Variants in PTK2 observed in about 807,000 individuals in gnomAD.
PTK2 encodes protein tyrosine kinase 2, also known as focal adhesion kinase 1.
A neutral mutation model predicts 150.1 loss-of-function variants in PTK2; 45 were observed. The ratio of observed to expected loss-of-function variants is 0.30; its 90% CI spans 0.24 to 0.38. The LOEUF is 0.38. PTK2 is among the 10% of genes least tolerant of loss of function. The pLI is 1.00. For missense variants in PTK2, 919 were observed against 1,307.3 expected (o/e 0.70, Z 4.58); for synonymous variants, 432 against 449.2 (o/e 0.96, Z 0.48).
chr8:140,809,125 A>T (rs1200298914), intron 10 of PTK2, among the ~76,000 whole-genome samples: 1 of 152,230 alleles, frequency 6.6e-6, no homozygotes, highest in Non-Finnish European at 1.5e-5. Flanking sequence ...GTTGTGCAAG[A>T]AGAAAATGGC....
intron 1 of PTK2, among the ~76,000 whole-genome samples, chr8:140,945,243 T>G (rs2100177281): frequency 6.6e-6 from 1 of 152,240 alleles, no homozygotes; most frequent in African/African-American, 2.4e-5. Flanking sequence ...ATCACTTGAA[T>G]TCAAGTGTTC....
In PTK2 at chr8:140,734,584, C is replaced by A. The variant is rs1240334274; in HGVS notation, c.2030+667G>T. On this transcript the variant is annotated intron_variant, in intron 22 of 31. Coordinates refer to ENST00000522684, the Ensembl canonical transcript of PTK2. ...ATGCTTCTCTGAGGGATTCAGCACA[C>A]TAATGTCCCTGCGTGCTTCCTCCAG... 54 of 385,444 alleles carry A rather than the reference C, an allele frequency of 1.4e-4. No homozygotes were observed. The East Asian group carries it at 2.6e-3, about 19-fold the overall frequency. The allele number at this position is 385,444 out of a possible 1,614,324, so 23.9% of individuals were successfully genotyped here.
At chr8:140,997,904 A>G (rs754098237) in intron 1 of PTK2, among the ~76,000 whole-genome samples, 3 of 152,206 alleles carry the variant, frequency 2.0e-5, no homozygotes, top group Non-Finnish European at 4.4e-5. Flanking sequence ...GCACCACTGC[A>G]CTCCAGCCTG....
At chr8:140,947,957 G>T (rs2100178248) in intron 1 of PTK2, among the ~76,000 whole-genome samples, 4 of 152,086 alleles carry the variant, frequency 2.6e-5, no homozygotes, top group Admixed American at 2.6e-4. Context: ...TCTGGTATAG[G>T]TGTTAACAAC....
At chr8:140,662,403 A>T (rs2081853346) in intron 31 of PTK2, among the ~76,000 whole-genome samples, 1 of 152,200 alleles carries the variant, frequency 6.6e-6, no homozygotes, top group Non-Finnish European at 1.5e-5. Flanking sequence ...CAACTAGAGT[A>T]GGTGTTGACA....
intron 5 of PTK2, among the ~76,000 whole-genome samples, chr8:140,861,817 C>T (rs984347509): frequency 1.3e-5 from 2 of 152,092 alleles, no homozygotes; most frequent in Admixed American, 6.5e-5. Context: ...TTCCTTTAAG[C>T]GAAATTTCAT....
chr8:140,974,397 T>C (rs1391265038), intron 1 of PTK2, among the ~76,000 whole-genome samples: 1 of 152,240 alleles, frequency 6.6e-6, no homozygotes, highest in Non-Finnish European at 1.5e-5. Context: ...CTACAAACTT[T>C]AGCTTTCTCT....
intron 17 of PTK2, chr8:140,751,856 T>C (rs748824822): frequency 5.9e-6 from 3 of 512,618 alleles, no homozygotes; most frequent in South Asian, 2.9e-5. Context: ...ATTCCTTCAC[T>C]AGTCTATGAG....
At chr8:140,693,433 C>T (rs937750246) in intron 26 of PTK2, among the ~76,000 whole-genome samples, 1 of 151,636 alleles carries the variant, frequency 6.6e-6, no homozygotes, top group Non-Finnish European at 1.5e-5. Context: ...AGCATATGCC[C>T]GTAGTCGCAG....
intron 1 of PTK2, among the ~76,000 whole-genome samples, chr8:140,957,870 C>T (rs898738856): frequency 6.6e-6 from 1 of 152,134 alleles, no homozygotes; most frequent in African/African-American, 2.4e-5. Flanking sequence ...CACTCTATGA[C>T]ATTTGTACAA....
chr8:140,661,980 A>G (rs2080900052), intron 31 of PTK2, among the ~76,000 whole-genome samples: 1 of 152,138 alleles, frequency 6.6e-6, no homozygotes, highest in African/African-American at 2.4e-5. Flanking sequence ...ATGCAGGATC[A>G]AAGACAGGCT....
intron 17 of PTK2, among the ~76,000 whole-genome samples, chr8:140,748,840 T>C: frequency 6.6e-6 from 1 of 152,192 alleles, no homozygotes; most frequent in East Asian, 1.9e-4. Flanking sequence ...CTATAGGATC[T>C]CAAAACTGGA....
At position 140,736,027 on chromosome 8, in the gene PTK2, G is replaced by A. The variant is rs148394079; in HGVS notation, c.1826-572C>T. 1.4e-3 allele frequency among the ~76,000 whole-genome samples: 219 copies of A among 152,300 alleles called. 1 individual carries two copies. Among genetic ancestry groups the A allele is most frequent in the African/African-American group, 5.0e-3 (207 of 41,570 alleles). Reference sequence around the variant, plus strand: ...GTGGAACTTCTTTGGGCTTCAAGTCGTCTTGTCTATAAATGCCACAGTGTG... The same window carrying A: ...GTGGAACTTCTTTGGGCTTCAAGTCATCTTGTCTATAAATGCCACAGTGTG... On this transcript the variant is annotated intron_variant, in intron 21 of 31. Transcript: ENST00000522684.
chr8:140,917,834 C>T (rs558605020), intron 2 of PTK2, among the ~76,000 whole-genome samples: 71 of 152,180 alleles, frequency 4.7e-4, no homozygotes, highest in Non-Finnish European at 8.1e-4. Context: ...AAGTGCTATA[C>T]AAGACCAGAA....
intron 1 of PTK2, among the ~76,000 whole-genome samples, chr8:140,931,989 G>T (rs2100172008): frequency 6.7e-6 from 1 of 149,598 alleles, no homozygotes; most frequent in Non-Finnish European, 1.5e-5. Flanking sequence ...TAATTACTGA[G>T]GGTTTTGGTG....
chr8:140,764,561 A>T, intron 14 of PTK2: 1 of 484,272 alleles, frequency 2.1e-6, no homozygotes. Flanking sequence ...AACGACATGA[A>T]ACAACTATGT....
chr8:140,913,526 C>T (rs1333715832), intron 2 of PTK2, among the ~76,000 whole-genome samples: 4 of 152,050 alleles, frequency 2.6e-5, no homozygotes, highest in African/African-American at 9.7e-5. Context: ...GAACTCCTGG[C>T]CTTACGCAAT....
intron 27 of PTK2, among the ~76,000 whole-genome samples, chr8:140,677,260 T>C (rs2100014462): frequency 6.6e-6 from 1 of 152,140 alleles, no homozygotes; most frequent in South Asian, 2.1e-4. Flanking sequence ...ACTGGGTGTG[T>C]AGATTCCCAT....
At chr8:140,743,577 A>G (rs891517383) in intron 19 of PTK2, among the ~76,000 whole-genome samples, 6 of 152,114 alleles carry the variant, frequency 3.9e-5, no homozygotes, top group African/African-American at 1.4e-4. Context: ...GAATGATGGC[A>G]AAGTACATTC....
Sources: allele counts gnomAD v4.1 joint callset (sites outside exome capture counted in the v4.1 genomes callset), GRCh38; gene constraint gnomAD v4.1.1; transcripts MANE v1.5; gene names NCBI Gene and HGNC (gene_info 2026-07-23, HGNC 2026-07-21).